The following NCOR2 variants were observed in gnomAD, a reference collection of about 807,000 sequenced individuals.
NCOR2 encodes the protein CTG repeat protein 26.
NCOR2 carries 81 observed loss-of-function variants against 262.9 expected under a neutral mutation model. That is an observed-to-expected ratio of 0.31 (90% CI 0.26 to 0.37). The LOEUF is 0.37. NCOR2 is among the 10% of genes least tolerant of loss of function. The pLI is 1.00. For synonymous variants in NCOR2, 1,659 were observed against 1,559.3 expected, an observed-to-expected ratio of 1.06 and a Z score of -1.51; for missense variants, 3,385 against 3,621.4, an observed-to-expected ratio of 0.93 and a Z score of 1.68.
At position 124,475,388 on chromosome 12, in the gene NCOR2, G is replaced by T. The variant is rs73225442; in HGVS notation, c.412-2257C>A. Reference sequence around the variant, plus strand: ...AGTGGATCCCACAACAGCCCTCCGAGGGGACTGCTGCTCCATCTCCATTAC... The same window carrying T: ...AGTGGATCCCACAACAGCCCTCCGATGGGACTGCTGCTCCATCTCCATTAC... On this transcript the variant is annotated intron_variant, in intron 3 of 46. Coordinates refer to ENST00000405201, the Ensembl canonical transcript of NCOR2. Among the ~76,000 whole-genome samples, 595 of 152,316 alleles carry T rather than the reference G, an allele frequency of 3.9e-3. 2 individuals are homozygous for T. The highest frequency in any genetic ancestry group is 6.7e-3 in the Admixed American group (102 of 15,310).
intron 1 of NCOR2, among the ~76,000 whole-genome samples, chr12:124,534,566 T>C (rs1038462399): frequency 6.6e-6 from 1 of 152,212 alleles, no homozygotes; most frequent in African/African-American, 2.4e-5. Flanking sequence ...GGAACAAGAA[T>C]GAAATCTCCC....
At chr12:124,509,612 C>A (rs2049274953) in intron 1 of NCOR2, among the ~76,000 whole-genome samples, 1 of 152,172 alleles carries the variant, frequency 6.6e-6, no homozygotes, top group Admixed American at 6.5e-5. Flanking sequence ...AGGTCCAAAG[C>A]CAGCCAAGAA....
chr12:124,510,468 G>A (rs148024611), intron 1 of NCOR2, among the ~76,000 whole-genome samples: 22 of 152,332 alleles, frequency 1.4e-4, no homozygotes, highest in African/African-American at 3.8e-4. Flanking sequence ...CAGCGCCCCC[G>A]TGAGGGATTC....
chr12:124,358,764 C>T (rs144773549), intron 22 of NCOR2, among the ~76,000 whole-genome samples: 29 of 145,762 alleles, frequency 2.0e-4, no homozygotes, highest in African/African-American at 4.4e-4. Flanking sequence ...ACTTACCAGG[C>T]GGAGTGTGCA....
chr12:124,458,854 C>T (rs1038131953), intron 5 of NCOR2, among the ~76,000 whole-genome samples: 4 of 152,180 alleles, frequency 2.6e-5, no homozygotes, highest in Non-Finnish European at 5.9e-5. Flanking sequence ...CCCAGCCACA[C>T]CCTCGAAGCA....
chr12:124,533,449 C>T (rs1301295467), intron 1 of NCOR2, among the ~76,000 whole-genome samples: 3 of 152,052 alleles, frequency 2.0e-5, no homozygotes, highest in African/African-American at 4.8e-5. Context: ...CTGACCCCCA[C>T]TTTGAAACTG....
Position 124,344,870 on chromosome 12 carries a change from CG to C in NCOR2, c.4440del (p.Gly1481AlafsTer12). 6.3e-7 allele frequency: 1 copy of C among 1,576,524 alleles called. No homozygotes were observed. The highest frequency in any genetic ancestry group is 2.3e-5 in the East Asian group (1 of 43,078). On this transcript the variant is annotated frameshift_variant, in exon 32 of 47. Transcript: ENST00000405201. LOFTEE classifies it high-confidence loss of function. ...GGGTGCACGGGTGGGAACGTCCGGCCGGGGCTGCCGATGAGGGAGCGTACGT... is the reference window on the plus strand; with the variant it reads ...GGGTGCACGGGTGGGAACGTCCGGCCGGGCTGCCGATGAGGGAGCGTACGT...
At chr12:124,339,338 G>A (rs1382529676) in intron 37 of NCOR2, among the ~76,000 whole-genome samples, 2 of 114,798 alleles carry the variant, frequency 1.7e-5, no homozygotes, top group Non-Finnish European at 3.4e-5. Context: ...CATCCATCTG[G>A]CTAACTCAGT....
At chr12:124,497,235 A>C (rs1373905317), upstream of NCOR2, among the ~76,000 whole-genome samples, 1 of 152,192 alleles carries the variant, frequency 6.6e-6, no homozygotes, top group East Asian at 1.9e-4. This position sits in a 1 kb window ranked among gnomAD's most constrained non-coding sequence, Gnocchi z 4.2. Flanking sequence ...AAAGCCAAGG[A>C]ATTCCGGAGC....
chr12:124,333,668 G>A (rs867397114), intron 41 of NCOR2, among the ~76,000 whole-genome samples: 3 of 100,750 alleles, frequency 3.0e-5, no homozygotes, highest in African/African-American at 6.7e-5. Context: ...TACCCCCCCC[G>A]CCCCCACCAA....
chr12:124,445,188 G>A (rs1593574555), intron 7 of NCOR2, among the ~76,000 whole-genome samples: 1 of 152,358 alleles, frequency 6.6e-6, no homozygotes, highest in South Asian at 2.1e-4. Context: ...GTGCCTGAGC[G>A]CCATCTGCCG....
At chr12:124,508,399 G>C (rs1227382043) in intron 1 of NCOR2, among the ~76,000 whole-genome samples, 1 of 152,256 alleles carries the variant, frequency 6.6e-6, no homozygotes, top group African/African-American at 2.4e-5. Context: ...GCGCCCAGGA[G>C]TGGCGACGGC....
chr12:124,348,367 C>A, intron 28 of NCOR2, 53 bp from the exon 31 acceptor site: 1 of 1,546,064 alleles, frequency 6.5e-7, no homozygotes, highest in Admixed American at 1.9e-5. Context: ...CCCAGGACCA[C>A]GGTGGGCAGG....
chr12:124,393,551 C>A (rs527682745), intron 16 of NCOR2, among the ~76,000 whole-genome samples: 1 of 152,234 alleles, frequency 6.6e-6, no homozygotes, highest in Non-Finnish European at 1.5e-5. Context: ...TCTCATGGGG[C>A]CACACTGCCC....
chr12:124,495,375 G>A, upstream of NCOR2: 2 of 1,437,378 alleles, frequency 1.4e-6, no homozygotes, highest in Non-Finnish European at 1.8e-6. This position sits in a 1 kb window ranked among gnomAD's most constrained non-coding sequence, Gnocchi z 4.4. Flanking sequence ...GCACCTGCGG[G>A]AAAACAAGAA....
intron 13 of NCOR2, among the ~76,000 whole-genome samples, chr12:124,411,483 C>T (rs563427183): frequency 6.6e-6 from 1 of 152,280 alleles, no homozygotes; most frequent in South Asian, 2.1e-4. Context: ...CTCAGTGTCC[C>T]ATCTCTGCAG....
At position 124,473,090 on chromosome 12, in the gene NCOR2, G is replaced by C. The variant is rs765638890; in HGVS notation, c.453C>G (p.Pro151=). The change falls in exon 4 of 47, where the codon CCC becomes CCG. Residue 151 remains proline, a synonymous_variant. Transcript: ENST00000405201. The stretch of plus-strand genomic sequence containing the variant: ...GCTCAGGGTCAGTGTGCGGGGGGCT[G>C]GGGGGAGACACCGGTTCCAGCTTGC... 3.7e-6 allele frequency: 6 copies of C among 1,612,564 alleles called. No individual in the cohort carries two copies. The East Asian group carries it at 1.3e-4, about 36-fold the overall frequency.
rs1165643066 is a variant in NCOR2 at position 124,527,190 on chromosome 12, T to C, written c.-118+8375A>G. 3.3e-5 allele frequency among the ~76,000 whole-genome samples: 5 copies of C among 152,224 alleles called. No homozygotes were observed. The East Asian group carries it at 9.7e-4, about 29-fold the overall frequency. ...TGAACAGGCCGTGCTGAAGGGTAGA[T>C]GACAAACACGGCGCCCCGCACAGAC... On this transcript the variant is annotated intron_variant, in intron 1 of 46. Transcript: ENST00000404621.
At chr12:124,332,055 T>G in intron 43 of NCOR2, 1 of 466,990 alleles carries the variant, frequency 2.1e-6, no homozygotes, top group Non-Finnish European at 3.9e-6. Flanking sequence ...CCAGTATTCA[T>G]GCAGGTATTC....
Sources: gnomAD v4.1 joint callset for allele counts (sites outside exome capture counted in the v4.1 genomes callset) on GRCh38, gnomAD v4.1.1 for gene constraint, Gnocchi (gnomAD v3.1) non-coding constraint, MANE v1.5 for transcripts, NCBI Gene and HGNC (gene_info 2026-07-23, HGNC 2026-07-21) for gene names.